Variants in KLHL29 observed in about 807,000 individuals in gnomAD.
KLHL29 encodes the protein kelch like family member 29.
A neutral mutation model predicts 80.4 loss-of-function variants in KLHL29; 21 were observed. The observed-to-expected ratio is 0.26, with a 90% CI of 0.19 to 0.38. KLHL29 has a LOEUF of 0.38. Ranked by LOEUF, KLHL29 falls within the 10% of genes least tolerant of loss-of-function variation. The probability of loss-of-function intolerance (pLI) is 1.00; values close to 1 mark genes in which losing one functional copy is unlikely to be tolerated. For synonymous variants in KLHL29, 511 were observed against 526.8 expected (o/e 0.97, Z 0.41); for missense variants, 867 against 1,223.9 (o/e 0.71, Z 4.35).
chr2:23,663,164 G>A (rs1218292135), intron 5 of KLHL29, among the ~76,000 whole-genome samples: 4 of 152,192 alleles, frequency 2.6e-5, no homozygotes, highest in African/African-American at 9.6e-5. Context: ...CCCAAACCCC[G>A]CAGCTGAGGA....
intron 2 of KLHL29, among the ~76,000 whole-genome samples, chr2:23,536,918 A>ACACACACACACTCTCTCTCT (rs143009876): frequency 1.4e-5 from 2 of 140,650 alleles, no homozygotes; most frequent in African/African-American, 5.4e-5. Context: ...ACACACACAC[A>ACACACACACACTCTCTCTCT]CTCTCTCTCT....
Position 23,693,338 on chromosome 2 carries a change from T to C in KLHL29, c.1352T>C (p.Leu451Pro). 1 of 1,551,288 alleles carries C rather than the reference T, an allele frequency of 6.4e-7. No individual in the cohort carries two copies. The highest frequency in any genetic ancestry group is 8.7e-7 in the Non-Finnish European group (1 of 1,146,918). The change falls in exon 8 of 14, where the codon CTC (leucine) becomes CCC (proline). Residue 451 changes from leucine to proline, a missense_variant. Physicochemically the swap from Leu to Pro is moderately conservative, Grantham distance 98. Coordinates refer to ENST00000486442, the MANE Select transcript of KLHL29 (RefSeq NM_052920.2). ...GCCGAGGCCATGCAGTGCAGCGAGC[T>C]CTACCACATGGCCAAGGCCTTCGCG... ...AMAEAMQCSE[L>P]YHMAKAFALQ...
At chr2:23,594,763 G>A (rs1017877616) in intron 3 of KLHL29, among the ~76,000 whole-genome samples, 6 of 152,202 alleles carry the variant, frequency 3.9e-5, no homozygotes, top group African/African-American at 4.8e-5. Context: ...TGTAGTGAAT[G>A]CTGCTCCCAT....
At chr2:23,564,618 G>A (rs1029927024) in intron 3 of KLHL29, among the ~76,000 whole-genome samples, 2 of 152,222 alleles carry the variant, frequency 1.3e-5, no homozygotes, top group Admixed American at 6.5e-5. Context: ...CCTTCCCGCC[G>A]TTCTAGCCTG....
intron 5 of KLHL29, among the ~76,000 whole-genome samples, chr2:23,654,224 C>T (rs918582943): frequency 1.3e-5 from 2 of 151,992 alleles, no homozygotes; most frequent in East Asian, 1.9e-4. Context: ...GGAGCCTGAA[C>T]ACCTAGTCAG....
At chr2:23,481,571 AAT>A (rs1211459896) in intron 2 of KLHL29, among the ~76,000 whole-genome samples, 1 of 152,160 alleles carries the variant, frequency 6.6e-6, no homozygotes, top group Admixed American at 6.5e-5. Context: ...GTAACCCCAC[AAT>A]GGGTAATTGT....
chr2:23,473,268 A>G (rs904148519), intron 1 of KLHL29, among the ~76,000 whole-genome samples: 3 of 152,118 alleles, frequency 2.0e-5, no homozygotes, highest in Non-Finnish European at 4.4e-5. Flanking sequence ...CAGAGGGTCC[A>G]AAACATGAGG....
intron 1 of KLHL29, among the ~76,000 whole-genome samples, chr2:23,422,838 T>C (rs2103403217): frequency 6.6e-6 from 1 of 152,342 alleles, no homozygotes; most frequent in South Asian, 2.1e-4. Context: ...GGAAGGGCTG[T>C]GCTCTGCACT....
intron 2 of KLHL29, among the ~76,000 whole-genome samples, chr2:23,553,765 G>A (rs1667188851): frequency 3.9e-5 from 6 of 152,234 alleles, no homozygotes; most frequent in Admixed American, 3.9e-4. Flanking sequence ...GGTCACTTTG[G>A]TCTGCCAAAT....
At chr2:23,534,445 T>C (rs543475729) in intron 2 of KLHL29, among the ~76,000 whole-genome samples, 177 of 152,312 alleles carry the variant, frequency 1.2e-3, no homozygotes, top group Non-Finnish European at 1.4e-3. Flanking sequence ...TTTATTGTTT[T>C]CTATTGAAAT....
rs1664395772 is a variant in KLHL29 at position 23,467,898 on chromosome 2, C to T, written c.-153-7662C>T. Among the ~76,000 whole-genome samples the T allele has an allele frequency of 2.0e-5, 3 of 151,828 alleles. No individual in the cohort carries two copies. In the South Asian group the frequency reaches 6.3e-4, roughly 32 times the overall value. On this transcript the variant is annotated intron_variant, in intron 1 of 13. Transcript: ENST00000486442. ...CCACCGCCTTCTGAGGAAGACCCCT[C>T]TTCATTCATTTGTGCCCTCCGTGCC...
intron 2 of KLHL29, among the ~76,000 whole-genome samples, chr2:23,541,765 C>CAAAAAAA (rs149080311): frequency 2.7e-4 from 38 of 139,922 alleles, no homozygotes; most frequent in African/African-American, 9.9e-4. Context: ...AAGCCCAACC[C>CAAAAAAA]AAAAAACAAA....
intron 3 of KLHL29, among the ~76,000 whole-genome samples, chr2:23,606,727 G>A (rs114192704): frequency 1.3e-3 from 204 of 152,306 alleles, no homozygotes; most frequent in African/African-American, 4.8e-3. Context: ...TCTGAGGGCA[G>A]CTCAGGGAGA....
At chr2:23,388,842 G>GTT (rs138963545) in intron 1 of KLHL29, among the ~76,000 whole-genome samples, 4 of 148,318 alleles carry the variant, frequency 2.7e-5, no homozygotes, top group African/African-American at 9.9e-5. Context: ...GTGTACATGG[G>GTT]TTTTTTTTTT....
chr2:23,394,238 C>G (rs1046095751), intron 1 of KLHL29, among the ~76,000 whole-genome samples: 7 of 152,202 alleles, frequency 4.6e-5, no homozygotes, highest in Admixed American at 1.3e-4. Context: ...CGTCTTCCAG[C>G]TTTAAGCATC....
chr2:23,438,895 C>G (rs1301380422), intron 1 of KLHL29, among the ~76,000 whole-genome samples: 1 of 149,830 alleles, frequency 6.7e-6, no homozygotes, highest in Non-Finnish European at 1.5e-5. Context: ...GTACCAGTTC[C>G]TCCTTGTACC....
intron 1 of KLHL29, among the ~76,000 whole-genome samples, chr2:23,456,577 G>A (rs1664057240): frequency 6.6e-6 from 1 of 152,252 alleles, no homozygotes; most frequent in Non-Finnish European, 1.5e-5. Context: ...CGAGTGAGGA[G>A]CCGGAAACAT....
intron 2 of KLHL29, among the ~76,000 whole-genome samples, chr2:23,557,510 TGAG>T (rs1334081880): frequency 8.6e-5 from 13 of 151,146 alleles, no homozygotes; most frequent in Admixed American, 7.9e-4. Context: ...TAAGGAGACT[TGAG>T]GAGCTGAGCA....
At chr2:23,587,257 TGGACATTTTGC>T (rs1668144555) in intron 3 of KLHL29, among the ~76,000 whole-genome samples, 1 of 151,490 alleles carries the variant, frequency 6.6e-6, no homozygotes, top group Non-Finnish European at 1.5e-5. Flanking sequence ...TTTTTTTTTT[TGGACATTTTGC>T]TTTTTGCCGG....
Sources: allele counts gnomAD v4.1 joint callset (sites outside exome capture counted in the v4.1 genomes callset), GRCh38; gene constraint gnomAD v4.1.1; transcripts MANE v1.5; gene names NCBI Gene and HGNC (gene_info 2026-07-23, HGNC 2026-07-21).